The following NBN variants were observed in gnomAD, a reference collection of about 807,000 sequenced individuals.
NBN encodes the protein nibrin.
In NBN, 88 loss-of-function variants were observed where a neutral mutation model predicts 90.8. That is an observed-to-expected ratio of 0.97 (90% CI 0.82 to 1.16). The LOEUF (loss-of-function observed/expected upper bound fraction) is 1.16, where lower values mean the gene tolerates loss of function less well. NBN is among the 50% of genes most tolerant of loss of function. The pLI, the probability that NBN is intolerant of heterozygous loss-of-function variation, is 0.00. For synonymous variants in NBN, 328 were observed against 295.1 expected (o/e 1.11, Z -1.14); for missense variants, 894 against 869.6 (o/e 1.03, Z -0.35).
At chr8:89,967,242 T>C (rs1224538190) in intron 7 of NBN, among the ~76,000 whole-genome samples, 1 of 152,192 alleles carries the variant, frequency 6.6e-6, no homozygotes, top group East Asian at 1.9e-4. Flanking sequence ...GGTGGGTGTG[T>C]CAGTGTGCCC....
At chr8:89,980,956 G>A (rs767023836) in intron 3 of NBN, 63 bp from the exon 4 acceptor site, 4 of 1,456,878 alleles carry the variant, frequency 2.7e-6, no homozygotes, top group Non-Finnish European at 3.8e-6. Flanking sequence ...GCAATTTTTA[G>A]TACTTTAAAA....
intron 2 of NBN, chr8:89,981,725 G>C (rs1812079535): frequency 1.6e-6 from 1 of 607,942 alleles, no homozygotes. Flanking sequence ...CTTAACCCAG[G>C]AATACCCCTC....
At chr8:89,967,272 A>T (rs1811299946) in intron 7 of NBN, among the ~76,000 whole-genome samples, 1 of 152,160 alleles carries the variant, frequency 6.6e-6, no homozygotes, top group African/African-American at 2.4e-5. Context: ...ATAGTGTCCT[A>T]TCCAAGGTTG....
chr8:89,984,511 C>T lies in NBN; in HGVS notation c.37+14G>A. On this transcript the variant is annotated intron_variant, in intron 1 of 15. Transcript: ENST00000265433. ...CCGGGAAAATAGGCCCCGAGGCTTC[C>T]CTTCTGCCCTTACCTCCTGCCGGGC... 3 of 1,611,654 alleles carry T rather than the reference C, an allele frequency of 1.9e-6. No homozygotes were observed. Among genetic ancestry groups the T allele is most frequent in the Non-Finnish European group, 1.7e-6 (2 of 1,178,288 alleles).
chr8:89,956,949 C>T (rs966204486), intron 9 of NBN, among the ~76,000 whole-genome samples: 6 of 152,116 alleles, frequency 3.9e-5, no homozygotes, highest in Admixed American at 3.9e-4. Context: ...TTGATGTAAA[C>T]AAACCTATGC....
chr8:89,971,229 G>T lies in NBN; in HGVS notation c.646C>A (p.Gln216Lys), dbSNP rs769416. 1 of 1,613,062 alleles carries T rather than the reference G, an allele frequency of 6.2e-7. No homozygotes were observed. The highest frequency in any genetic ancestry group is 1.7e-5 in the Admixed American group (1 of 59,954). ...CCTTTGAAGATTTGTTTTCTTTCCT[G>T]CCGTCCTGACAGATCAACATTTTTA... ...GSKNVDLSGR[Q>K]ERKQIFKGKT... The change falls in exon 6 of 16, where the codon CAG (glutamine) becomes AAG (lysine). Residue 216 changes from glutamine to lysine, a missense_variant. Gln to Lys is a moderately conservative substitution (Grantham distance 53). Transcript: ENST00000265433.
At chr8:89,973,709 G>C (rs994255385) in intron 5 of NBN, among the ~76,000 whole-genome samples, 1 of 152,132 alleles carries the variant, frequency 6.6e-6, no homozygotes, top group Non-Finnish European at 1.5e-5. Flanking sequence ...TTACATTCTA[G>C]AAGTTTTAAA....
intron 5 of NBN, among the ~76,000 whole-genome samples, chr8:89,972,792 A>G (rs1811576240): frequency 6.6e-6 from 1 of 152,214 alleles, no homozygotes; most frequent in Non-Finnish European, 1.5e-5. Context: ...ACAGACAAAA[A>G]CAGTAAGGAA....
chr8:89,951,633 TTAAAC>T (rs1810454221), intron 11 of NBN, among the ~76,000 whole-genome samples: 1 of 152,182 alleles, frequency 6.6e-6, no homozygotes, highest in Non-Finnish European at 1.5e-5. Flanking sequence ...AAATGTCACA[TTAAAC>T]TAATTTACCT....
intron 9 of NBN, among the ~76,000 whole-genome samples, chr8:89,958,334 C>A (rs745482804): frequency 2.6e-5 from 4 of 152,186 alleles, no homozygotes; most frequent in Non-Finnish European, 5.9e-5. Context: ...GTACGCTATA[C>A]CATGTAGGTT....
chr8:89,938,327 G>T (rs774673893), intron 14 of NBN, among the ~76,000 whole-genome samples: 1 of 152,038 alleles, frequency 6.6e-6, no homozygotes, highest in Non-Finnish European at 1.5e-5. Flanking sequence ...AAAAAATATT[G>T]GTTATGTAAT....
intron 8 of NBN, among the ~76,000 whole-genome samples, chr8:89,962,048 C>T (rs759195629): frequency 6.6e-6 from 1 of 152,102 alleles, no homozygotes; most frequent in Non-Finnish European, 1.5e-5. Context: ...AGTCTGAGTG[C>T]TTCTTCTTTT....
intron 12 of NBN, among the ~76,000 whole-genome samples, chr8:89,947,071 A>C (rs779906795): frequency 1.6e-4 from 24 of 152,184 alleles, no homozygotes; most frequent in Non-Finnish European, 3.5e-4. Flanking sequence ...GGAAAGTCAG[A>C]AAAAAAGGTT....
chr8:89,981,867 T>TG (rs1812087377), intron 2 of NBN: 1 of 665,530 alleles, frequency 1.5e-6, no homozygotes, highest in South Asian at 2.1e-5. Flanking sequence ...CTAGATCTTT[T>TG]TTTGTTTGTT....
chr8:89,972,820 CTG>C lies in NBN; in HGVS notation c.585-1532_585-1531del, dbSNP rs1323649893. Among the ~76,000 whole-genome samples, 10 of 152,310 alleles carry C rather than the reference CTG, an allele frequency of 6.6e-5. No homozygotes were observed. In the East Asian group the frequency reaches 1.9e-3, roughly 29 times the overall value. On this transcript the variant is annotated intron_variant, in intron 5 of 15. Transcript: ENST00000265433. Reference sequence around the variant, plus strand: ...GTAAGGAAATGTTTAACACATATGACTGTGTGTTACAGTCAAACATGACTATA... The same window carrying C: ...GTAAGGAAATGTTTAACACATATGACTGTGTTACAGTCAAACATGACTATA...
intron 5 of NBN, among the ~76,000 whole-genome samples, chr8:89,976,082 C>T (rs1403404207): frequency 6.6e-6 from 1 of 152,118 alleles, no homozygotes; most frequent in African/African-American, 2.4e-5. Flanking sequence ...ACCTCCACTT[C>T]CTGGATTCAA....
chr8:89,967,164 C>T (rs546883947), intron 7 of NBN, among the ~76,000 whole-genome samples: 122 of 152,304 alleles, frequency 8.0e-4, no homozygotes, highest in African/African-American at 2.8e-3. Context: ...TGCTTTACTA[C>T]CACATTCCAA....
chr8:89,937,400 G>C (rs1392685943), intron 14 of NBN: 3 of 350,902 alleles, frequency 8.5e-6, no homozygotes, highest in Non-Finnish European at 1.1e-5. Flanking sequence ...CAGTGCTTGG[G>C]GGTCAGACCA....
intron 14 of NBN, among the ~76,000 whole-genome samples, chr8:89,942,237 T>A (rs1055310977): frequency 6.6e-6 from 1 of 152,110 alleles, no homozygotes; most frequent in African/African-American, 2.4e-5. Flanking sequence ...TCATTTGAAG[T>A]TTCTAATGAT....
Sources: gnomAD v4.1 joint callset for allele counts (sites outside exome capture counted in the v4.1 genomes callset) on GRCh38, gnomAD v4.1.1 for gene constraint, MANE v1.5 for transcripts, NCBI Gene and HGNC (gene_info 2026-07-23, HGNC 2026-07-21) for gene names.